Variants in PHGDH observed in about 807,000 individuals in gnomAD.
The protein encoded by PHGDH is phosphoglycerate dehydrogenase.
A neutral mutation model predicts 52.6 loss-of-function variants in PHGDH; 50 were observed. That is an observed-to-expected ratio of 0.95 (90% CI 0.76 to 1.20). PHGDH has a LOEUF of 1.20. PHGDH is among the 50% of genes most tolerant of loss of function. The pLI, the probability that PHGDH is intolerant of heterozygous loss-of-function variation, is 0.00. For missense variants in PHGDH, 630 were observed against 684.6 expected (o/e 0.92, Z 0.89); for synonymous variants, 271 against 280.5 (o/e 0.97, Z 0.34).
At chr1:119,732,289 G>C (rs1334140103) in intron 5 of PHGDH, among the ~76,000 whole-genome samples, 2 of 152,230 alleles carry the variant, frequency 1.3e-5, no homozygotes, top group African/African-American at 2.4e-5. Context: ...CTGCCCTGGA[G>C]TCCTGCTTAG....
chr1:119,724,723 CT>C (rs971213791), intron 3 of PHGDH: 6 of 450,536 alleles, frequency 1.3e-5, no homozygotes, highest in South Asian at 9.4e-5. Flanking sequence ...AATTACCTCA[CT>C]TTTTTTCTGG....
chr1:119,733,242 G>A (rs1330395639), intron 5 of PHGDH, among the ~76,000 whole-genome samples: 4 of 152,154 alleles, frequency 2.6e-5, no homozygotes, highest in African/African-American at 9.7e-5. Context: ...ATGAAAAAAG[G>A]GATCCAGAGG....
intron 5 of PHGDH, among the ~76,000 whole-genome samples, chr1:119,733,527 G>C (rs920113809): frequency 0.017 from 2,483 of 148,506 alleles, 38 homozygotes; most frequent in Non-Finnish European, 0.024. Context: ...TAGGGGGGGG[G>C]GTCTGACTAT....
chr1:119,712,502 A>G (rs1650740824), intron 1 of PHGDH: 2 of 365,032 alleles, frequency 5.5e-6, no homozygotes, highest in South Asian at 4.5e-5. Flanking sequence ...CTTAGCGCGC[A>G]ATTGTTCTGG....
intron 6 of PHGDH, chr1:119,735,007 G>C (rs1159121273): frequency 1.6e-6 from 1 of 620,772 alleles, no homozygotes; most frequent in East Asian, 2.8e-5. Flanking sequence ...CCCCATGGAT[G>C]CTTTCTGCAG....
rs2101136591 is a variant in PHGDH at position 119,712,121 on chromosome 1, G to A, written c.99G>A (p.Lys33=). 2 of 1,614,184 alleles carry A rather than the reference G, an allele frequency of 1.2e-6. No individual in the cohort carries two copies. Among genetic ancestry groups the A allele is most frequent in the South Asian group, 2.2e-5 (2 of 91,080 alleles). The change falls in exon 1 of 12, where the codon AAG becomes AAA. Residue 33 remains lysine (K), a synonymous_variant. Transcript: ENST00000641023. ...ATGGAGGGCTGCAGGTGGTGGAAAA[G>A]CAGAACCTTAGCAAAGAGGAGCTGA... ...LQDGGLQVVE[K]QNLSKEELIA...
chr1:119,718,853 A>C (rs1651035287), intron 1 of PHGDH, among the ~76,000 whole-genome samples: 1 of 152,200 alleles, frequency 6.6e-6, no homozygotes, highest in Non-Finnish European at 1.5e-5. Flanking sequence ...TAAGGAGACC[A>C]AAACTGCAGG....
At position 119,742,938 on chromosome 1, in the gene PHGDH, G is replaced by C; in HGVS notation, c.1341G>C (p.Gly447=). The C allele has an allele frequency of 6.2e-7, 1 of 1,613,976 alleles. No individual in the cohort carries two copies. The highest frequency in any genetic ancestry group is 8.5e-7 in the Non-Finnish European group (1 of 1,179,798). ...AAGGCACTACGCCTGTACTGCAGGG[G>C]CTCAATGGAGCTGTCTTCAGGCCAG... ...LVQGTTPVLQ[G]LNGAVFRPEV... The change falls in exon 11 of 12, where the codon GGG becomes GGC. Residue 447 remains glycine (G), a synonymous_variant. Coordinates refer to ENST00000641023, the MANE Select transcript of PHGDH (RefSeq NM_006623.4).
At chr1:119,714,951 G>A (rs1650859258) in intron 1 of PHGDH, among the ~76,000 whole-genome samples, 1 of 152,132 alleles carries the variant, frequency 6.6e-6, no homozygotes, top group Admixed American at 6.5e-5. Flanking sequence ...TTCTTACAAT[G>A]AACCTCAGTC....
At chr1:119,718,926 G>GT (rs1372004566) in intron 1 of PHGDH, among the ~76,000 whole-genome samples, 1 of 152,158 alleles carries the variant, frequency 6.6e-6, no homozygotes, top group African/African-American at 2.4e-5. Context: ...AAATGGTGGG[G>GT]TGTAGGGAGA....
chr1:119,741,628 C>A (rs1652211464), intron 9 of PHGDH, 139 bp from the exon 10 acceptor site: 2 of 790,474 alleles, frequency 2.5e-6, no homozygotes, highest in East Asian at 2.4e-5. Context: ...GGCGAGTGGA[C>A]CTGCCTGGAG....
At chr1:119,731,566 C>T (rs2101186382) in intron 5 of PHGDH, among the ~76,000 whole-genome samples, 1 of 152,290 alleles carries the variant, frequency 6.6e-6, no homozygotes, top group East Asian at 1.9e-4. Flanking sequence ...TTTTCAGGTC[C>T]AGCTAATGTT....
chr1:119,726,720 C>T (rs1392738410), intron 3 of PHGDH, 131 bp from the exon 4 acceptor site: 1 of 763,868 alleles, frequency 1.3e-6, no homozygotes, highest in Non-Finnish European at 2.4e-6. Context: ...GTTCCTAAAC[C>T]TGAACCCCCA....
In PHGDH at chr1:119,744,021, C is replaced by A. The variant is rs141408688; in HGVS notation, c.1583C>A (p.Ala528Asp). 1.7e-5 allele frequency: 28 copies of A among 1,614,056 alleles called. No individual in the cohort carries two copies. The highest frequency in any genetic ancestry group is 4.5e-5 in the East Asian group (2 of 44,898). The change falls in exon 12 of 12, where the codon GCC (alanine) becomes GAC (aspartate). Residue 528 changes from alanine to aspartate, a missense_variant. By Grantham distance (126) the Ala-to-Asp change is moderately radical. Coordinates refer to ENST00000641023, the MANE Select transcript of PHGDH (RefSeq NM_006623.4). ...GCGTGGAAGCAGCATGTGACTGAAG[C>A]CTTCCAGTTCCACTTCTAACCTTGG... ...LEAWKQHVTE[A>D]FQFHF is the part of the protein sequence containing the mutation.
intron 3 of PHGDH, among the ~76,000 whole-genome samples, chr1:119,725,349 A>G (rs1413527039): frequency 6.6e-6 from 1 of 152,212 alleles, no homozygotes; most frequent in Non-Finnish European, 1.5e-5. Flanking sequence ...GCACGCATAC[A>G]TCTTAGATAG....
At chr1:119,743,692 CAGAG>C (rs1571021810) in intron 11 of PHGDH, among the ~76,000 whole-genome samples, 190 bp from the exon 12 acceptor site, 1 of 152,228 alleles carries the variant, frequency 6.6e-6, no homozygotes, top group East Asian at 1.9e-4. Context: ...ATGGTGTTCC[CAGAG>C]AGTCAGGAAT....
intron 8 of PHGDH, chr1:119,740,177 C>T: frequency 8.5e-6 from 5 of 586,992 alleles, no homozygotes; most frequent in East Asian, 5.9e-5. Flanking sequence ...CATTCTGTGT[C>T]CATTTCTGGC....
At position 119,726,906 on chromosome 1, in the gene PHGDH, G is replaced by C. The variant is rs767691923; in HGVS notation, c.411+1G>C. 1 of 1,614,136 alleles carries C rather than the reference G, an allele frequency of 6.2e-7. No individual in the cohort carries two copies. Among genetic ancestry groups the C allele is most frequent in the East Asian group, 2.2e-5 (1 of 44,888 alleles). ...GGACGGCAAATGGGAGCGGAAGAAG[G>C]TGAGCAGCGGCCTTGACTCGCCCCA... On this transcript the variant is annotated splice_donor_variant, in intron 4 of 11. Transcript: ENST00000641023. LOFTEE classifies it high-confidence loss of function.
At chr1:119,738,361 G>A (rs1652038147) in intron 8 of PHGDH, among the ~76,000 whole-genome samples, 1 of 152,218 alleles carries the variant, frequency 6.6e-6, no homozygotes, top group Non-Finnish European at 1.5e-5. Context: ...CCTGAGGAAA[G>A]AAGGGTGCCT....
Sources: gnomAD v4.1 joint callset for allele counts (sites outside exome capture counted in the v4.1 genomes callset) on GRCh38, gnomAD v4.1.1 for gene constraint, MANE v1.5 for transcripts, NCBI Gene and HGNC (gene_info 2026-07-23, HGNC 2026-07-21) for gene names.